Variants in KMT2C observed in about 807,000 individuals in gnomAD.
The protein encoded by KMT2C is lysine methyltransferase 2C.
Under a neutral mutation model 507.9 loss-of-function variants are expected in KMT2C, and 88 were observed. The observed-to-expected ratio is 0.17, with a 90% CI of 0.15 to 0.21. KMT2C has a LOEUF of 0.21. KMT2C is among the 10% of genes least tolerant of loss of function. The probability of loss-of-function intolerance (pLI) is 1.00; values close to 1 mark genes in which losing one functional copy is unlikely to be tolerated. For synonymous variants in KMT2C, 2,049 were observed against 2,080.8 expected (o/e 0.98, Z 0.42); for missense variants, 4,954 against 5,957.8 (o/e 0.83, Z 5.55).
At chr7:152,274,402 A>C (rs2096040265) in intron 6 of KMT2C, among the ~76,000 whole-genome samples, 1 of 152,168 alleles carries the variant, frequency 6.6e-6, no homozygotes, top group Non-Finnish European at 1.5e-5. Context: ...GTAGCAATCA[A>C]CTTCAAATTT....
intron 1 of KMT2C, chr7:152,367,287 A>C: frequency 8.2e-7 from 1 of 1,219,858 alleles, no homozygotes; most frequent in Non-Finnish European, 1.2e-6. Flanking sequence ...GCTGCCAACT[A>C]TTCCAAGTTT....
intron 1 of KMT2C, among the ~76,000 whole-genome samples, chr7:152,424,894 C>G (rs530991692): frequency 4.6e-5 from 7 of 152,126 alleles, no homozygotes; most frequent in African/African-American, 1.7e-4. Context: ...GCTTCTTGCA[C>G]GGCAGCAACT....
chr7:152,280,976 G>T (rs898056914), intron 6 of KMT2C, among the ~76,000 whole-genome samples: 17 of 152,090 alleles, frequency 1.1e-4, no homozygotes, highest in African/African-American at 4.1e-4. Context: ...AAAAAAATAG[G>T]AGAGGCAAGC....
chr7:152,374,586 G>T (rs967110416), intron 1 of KMT2C, among the ~76,000 whole-genome samples: 9 of 152,008 alleles, frequency 5.9e-5, no homozygotes, highest in Non-Finnish European at 1.5e-5. Context: ...TGGGAAAATC[G>T]ACACTAGTAG....
chr7:152,431,196 TATGTAA>T (rs1397320943), intron 1 of KMT2C, among the ~76,000 whole-genome samples: 2 of 152,188 alleles, frequency 1.3e-5, no homozygotes, highest in Non-Finnish European at 2.9e-5. Context: ...TAGTAACCAA[TATGTAA>T]ATTGGTAAGT....
intron 3 of KMT2C, among the ~76,000 whole-genome samples, chr7:152,322,980 C>T (rs2096785864): frequency 6.6e-6 from 1 of 151,948 alleles, no homozygotes; most frequent in African/African-American, 2.4e-5. Flanking sequence ...TAACACCTGG[C>T]TATTGGCTAA....
At chr7:152,333,388 A>G (rs189193298) in intron 2 of KMT2C, among the ~76,000 whole-genome samples, 1 of 152,256 alleles carries the variant, frequency 6.6e-6, no homozygotes, top group Admixed American at 6.5e-5. Context: ...TGGCCTCCCA[A>G]AGTGCCAAGA....
intron 1 of KMT2C, among the ~76,000 whole-genome samples, chr7:152,386,208 A>AG (rs1420470637): frequency 6.7e-6 from 1 of 149,536 alleles, no homozygotes; most frequent in Admixed American, 6.7e-5. Context: ...CTGTTAAAAA[A>AG]GAAAAAAAAA....
At chr7:152,357,793 A>G (rs1038514056) in intron 2 of KMT2C, among the ~76,000 whole-genome samples, 3 of 152,220 alleles carry the variant, frequency 2.0e-5, no homozygotes, top group Non-Finnish European at 4.4e-5. Flanking sequence ...ATATAATAGC[A>G]ACACATCTGA....
intron 1 of KMT2C, among the ~76,000 whole-genome samples, chr7:152,379,403 T>A (rs1369262154): frequency 2.0e-5 from 3 of 152,048 alleles, no homozygotes; most frequent in Non-Finnish European, 4.4e-5. Context: ...CCAGGCGTGG[T>A]GGTGGGCACC....
At position 152,371,007 on chromosome 7, in the gene KMT2C, A is replaced by G. The variant is rs191570310; in HGVS notation, c.162-12332T>C. On this transcript the variant is annotated intron_variant, in intron 1 of 58. Transcript: ENST00000262189. Reference sequence around the variant, plus strand: ...ACCTGCCTTACAAGAAATGCTAAAGAAAGTTCTTCAAATTGAAACAAAAGA... The same window carrying G: ...ACCTGCCTTACAAGAAATGCTAAAGGAAGTTCTTCAAATTGAAACAAAAGA... 1.8e-3 allele frequency among the ~76,000 whole-genome samples: 270 copies of G among 152,370 alleles called. 1 individual carries two copies. Among genetic ancestry groups the G allele is most frequent in the Admixed American group, 3.5e-3 (53 of 15,308 alleles).
intron 42 of KMT2C, among the ~76,000 whole-genome samples, chr7:152,165,912 T>C (rs1170638212): frequency 6.6e-6 from 1 of 152,162 alleles, no homozygotes; most frequent in Non-Finnish European, 1.5e-5. Context: ...GGTCTCGAAC[T>C]CCTGGCCTCA....
At chr7:152,368,419 A>G in intron 1 of KMT2C, 1 of 1,140,220 alleles carries the variant, frequency 8.8e-7, no homozygotes, top group South Asian at 1.3e-5. Flanking sequence ...AGAGATGGAG[A>G]TGGAGCAGGT....
chr7:152,252,691 C>A lies in KMT2C; in HGVS notation c.1324G>T (p.Gly442Cys). Residue 442 changes from glycine (G) to cysteine (C), a missense_variant, in exon 10 of 59, where the codon GGC (glycine) becomes TGC (cysteine). Around this residue, in one of 29 missense-constraint regions of KMT2C, gnomAD observed 376 missense variants for 352.4 expected, o/e 1.07. Coordinates refer to ENST00000262189, the MANE Select transcript of KMT2C (RefSeq NM_170606.3). ...CKNCRICIEC[G>C]TRSSSQWHHN... ...TGCCACTGAGAACTAGACCGTGTGC[C>A]ACACTCTATACATATTCTGCAATTC... The A allele has an allele frequency of 6.2e-7, 1 of 1,612,698 alleles. No individual in the cohort carries two copies. Among genetic ancestry groups the A allele is most frequent in the East Asian group, 2.2e-5 (1 of 44,776 alleles).
intron 28 of KMT2C, among the ~76,000 whole-genome samples, 165 bp from the exon 29 acceptor site, chr7:152,194,733 G>C (rs918745617): frequency 6.6e-6 from 1 of 151,818 alleles, no homozygotes; most frequent in African/African-American, 2.4e-5. Flanking sequence ...GAGTCGCTCA[G>C]TAAAAATTAG....
At chr7:152,378,480 G>GT (rs2097346146) in intron 1 of KMT2C, among the ~76,000 whole-genome samples, 1 of 151,172 alleles carries the variant, frequency 6.6e-6, no homozygotes, top group African/African-American at 2.4e-5. Flanking sequence ...ATGCACATTG[G>GT]TTTTTTAAAT....
At chr7:152,415,867 A>G (rs78240284) in intron 1 of KMT2C, among the ~76,000 whole-genome samples, 6,749 of 88,074 alleles carry the variant, frequency 0.077, no homozygotes, top group Non-Finnish European at 0.11. Context: ...GCAACAGTGT[A>G]AGACTCAGGT....
intron 8 of KMT2C, among the ~76,000 whole-genome samples, chr7:152,263,846 G>T (rs1029059242): frequency 2.6e-5 from 4 of 152,150 alleles, no homozygotes; most frequent in East Asian, 1.9e-4. Context: ...TGAGATTTTT[G>T]ACTATAATCA....
intron 1 of KMT2C, among the ~76,000 whole-genome samples, chr7:152,404,631 C>CAAAAAAAAAAAAAAAAAA (rs68171347): frequency 4.5e-5 from 3 of 66,136 alleles, no homozygotes; most frequent in Non-Finnish European, 3.3e-5. Context: ...ACTCAGGTCT[C>CAAAAAAAAAAAAAAAAAA]AAAAAAAAAA....
Sources: gnomAD v4.1 joint callset for allele counts (sites outside exome capture counted in the v4.1 genomes callset) on GRCh38, gnomAD v4.1.1 for gene constraint, gnomAD v4.1.1 regional missense constraint, MANE v1.5 for transcripts, NCBI Gene and HGNC (gene_info 2026-07-23, HGNC 2026-07-21) for gene names.